The following TFAP2E variants were observed in gnomAD, a reference collection of about 807,000 sequenced individuals.
TFAP2E encodes the protein transcription factor AP-2-epsilon.
TFAP2E carries 30 observed loss-of-function variants against 37.9 expected under a neutral mutation model. That is an observed-to-expected ratio of 0.79 (90% confidence interval 0.59 to 1.07). The LOEUF is 1.07. Among genes scored for constraint, TFAP2E ranks in the 50% least tolerant of loss-of-function variants. The pLI is 0.00. For synonymous variants in TFAP2E, 318 were observed against 295.8 expected, an observed-to-expected ratio of 1.08 and a Z score of -0.77; for missense variants, 567 against 637.9, an observed-to-expected ratio of 0.89 and a Z score of 1.20.
rs115368882 is a variant in TFAP2E, at chr1:35,590,642, G to A, written c.913G>A (p.Val305Met). 4,878 of 1,506,268 alleles carry A rather than the reference G, an allele frequency of 3.2e-3. 130 individuals are homozygous for A. The African/African-American group carries it at 0.059, about 18-fold the overall frequency. 93.3% of individuals were successfully genotyped at this position (1,506,268 alleles called of 1,614,324 possible). Residue 305 changes from valine to methionine, a missense_variant, in exon 6 of 7, where the codon GTG becomes ATG. By Grantham distance (21) the Val-to-Met change is conservative (BLOSUM62 1). Around this residue, in one of 3 missense-constraint regions of TFAP2E, gnomAD observed 252 missense variants for 302.6 expected, o/e 0.83. Transcript: ENST00000373235. The surrounding 1 kb of genome is among the most constrained non-coding windows in gnomAD (Gnocchi z 6.2). ...AGCTCCCCTCCCCCCAGGAGAGGCC[G>A]TGCACCTGGCCCGAGACTTCGGTTA... is the stretch of plus-strand genomic sequence containing the variant. ...LLTSLVEGEA[V>M]HLARDFGYVC...
At chr1:35,589,188 CTGTGTGTG>C (rs757213879) in intron 4 of TFAP2E, among the ~76,000 whole-genome samples, 14,654 of 125,922 alleles carry the variant, frequency 0.12, 1,169 homozygotes, top group East Asian at 0.35. Flanking sequence ...GTGTCCTGCT[CTGTGTGTG>C]TGTGTGTGTG....
rs1053079989 is a variant in TFAP2E at position 35,588,725 on chromosome 1, C to T, written c.785+173C>T. ...ATGTTGTGGGGGCCGGCCCAGGTCCCTGGTGGCTGCCACATGTCTGTGGGT... is the reference window on the plus strand; with the variant it reads ...ATGTTGTGGGGGCCGGCCCAGGTCCTTGGTGGCTGCCACATGTCTGTGGGT... On this transcript the variant is annotated intron_variant, in intron 4 of 6. Coordinates refer to ENST00000373235, the MANE Select transcript of TFAP2E (RefSeq NM_178548.4). The surrounding 1 kb of genome is among the most constrained non-coding windows in gnomAD (Gnocchi z 5.1). Among the ~76,000 whole-genome samples the T allele has an allele frequency of 1.3e-5, 2 of 152,168 alleles. No individual in the cohort carries two copies. Among genetic ancestry groups the T allele is most frequent in the African/African-American group, 4.8e-5 (2 of 41,442 alleles).
chr1:35,589,413 G>T (rs1649586774), intron 4 of TFAP2E, among the ~76,000 whole-genome samples: 1 of 150,648 alleles, frequency 6.6e-6, no homozygotes, highest in Admixed American at 6.6e-5. Flanking sequence ...GTGTGATCCT[G>T]TGTCTCTGTG....
At chr1:35,595,374 A>C (rs1480368907), downstream of TFAP2E, 1 of 147,102 alleles carries the variant, frequency 6.8e-6, no homozygotes, top group Admixed American at 6.9e-5. Flanking sequence ...GATTCATTTC[A>C]CTGTTTTCTG....
In TFAP2E at chr1:35,573,851, G is replaced by T. The variant is rs1649082890; in HGVS notation, c.28-76G>T. ...AGGGACTGCAGCTGAACCCTCCCGAGCTGAGGAGGATCCTTTCAGGCTGGG... is the reference window on the plus strand; with the variant it reads ...AGGGACTGCAGCTGAACCCTCCCGATCTGAGGAGGATCCTTTCAGGCTGGG... On this transcript the variant is annotated intron_variant, in intron 1 of 6. Coordinates refer to ENST00000373235, the MANE Select transcript of TFAP2E (RefSeq NM_178548.4). The surrounding 1 kb of genome is among the most constrained non-coding windows in gnomAD (Gnocchi z 5.9). 1.4e-6 allele frequency: 2 copies of T among 1,397,462 alleles called. No individual in the cohort carries two copies. Among genetic ancestry groups the T allele is most frequent in the East Asian group, 5.8e-5 (2 of 34,228 alleles). 86.6% of individuals were successfully genotyped at this position (1,397,462 alleles called of 1,614,324 possible).
At position 35,573,787 on chromosome 1, in the gene TFAP2E, G is replaced by A. The variant is rs1044370704; in HGVS notation, c.28-140G>A. 38 of 1,372,030 alleles carry A rather than the reference G, an allele frequency of 2.8e-5. No individual in the cohort carries two copies. Among genetic ancestry groups the A allele is most frequent in the Admixed American group, 6.4e-5 (2 of 31,136 alleles). The allele number at this position is 1,372,030 out of a possible 1,614,324, so 85.0% of individuals were successfully genotyped here. On this transcript the variant is annotated intron_variant, in intron 1 of 6. Transcript: ENST00000373235. This position sits in a 1 kb window ranked among gnomAD's most constrained non-coding sequence, Gnocchi z 5.9. Reference sequence around the variant, plus strand: ...CCCAGCCTGAGGCTCCTGCGCCCGCGGGTGGCTCGGAAATAAACCTCGGGC... The same window carrying A: ...CCCAGCCTGAGGCTCCTGCGCCCGCAGGTGGCTCGGAAATAAACCTCGGGC...
At chr1:35,593,173 C>T (rs1649737657) in intron 6 of TFAP2E, among the ~76,000 whole-genome samples, 1 of 152,008 alleles carries the variant, frequency 6.6e-6, no homozygotes, top group African/African-American at 2.4e-5. Context: ...GGCGAAACCC[C>T]ATCTGTACTA....
chr1:35,574,128 C>T lies in TFAP2E; in HGVS notation c.229C>T (p.Pro77Ser), dbSNP rs1177788281. Residue 77 changes from proline (P) to serine (S), a missense_variant, in exon 2 of 7, where the codon CCC (proline) becomes TCC (serine). Physicochemically the swap from Pro to Ser is moderately conservative, Grantham distance 74. This residue lies in a region of TFAP2E where 312 missense variants were observed against 317.4 expected (regional missense o/e 0.98). Coordinates refer to ENST00000373235, the MANE Select transcript of TFAP2E (RefSeq NM_178548.4). ...GQAPDAAAAF[P>S]HLAGDPYGGL... ...GGCGCCCGACGCCGCCGCAGCCTTT[C>T]CCCACCTGGCAGGGGACCCATATGG... The T allele has an allele frequency of 6.9e-7, 1 of 1,454,012 alleles. No homozygotes were observed. Among genetic ancestry groups the T allele is most frequent in the Non-Finnish European group, 9.1e-7 (1 of 1,104,748 alleles). 90.1% of individuals were successfully genotyped at this position (1,454,012 alleles called of 1,614,324 possible).
In TFAP2E at chr1:35,590,083, T is replaced by A; in HGVS notation, c.904+35T>A. 1 of 1,599,924 alleles carries A rather than the reference T, an allele frequency of 6.3e-7. No individual in the cohort carries two copies. Among genetic ancestry groups the A allele is most frequent in the South Asian group, 1.1e-5 (1 of 90,516 alleles). On this transcript the variant is annotated intron_variant, in intron 5 of 6. Transcript: ENST00000373235. This position sits in a 1 kb window ranked among gnomAD's most constrained non-coding sequence, Gnocchi z 6.2. ...GCCTGAAGGTGGGCATGGGAGTGGA[T>A]GTGAGGGCAAGTGAGTTGTCTGGTG...
chr1:35,586,976 T>A (rs566655031), intron 3 of TFAP2E, among the ~76,000 whole-genome samples: 6 of 152,222 alleles, frequency 3.9e-5, no homozygotes, highest in Non-Finnish European at 5.9e-5. Flanking sequence ...AGCTGTGTGA[T>A]CTCAGGCATA....
Position 35,588,460 on chromosome 1 carries a change from G to A in TFAP2E, c.693G>A (p.Thr231=), listed in dbSNP as rs150108530. ...VPGRLSLLSS[T]SKYKVTVGEV... is the part of the protein sequence containing the mutation. ...GCCGGCTTTCACTGCTCAGCTCAAC[G>A]TCCAAGTACAAGGTGACGGTGGGGG... The change falls in exon 4 of 7, where the codon ACG becomes ACA. Residue 231 remains threonine (T), a synonymous_variant. Coordinates refer to ENST00000373235, the MANE Select transcript of TFAP2E (RefSeq NM_178548.4). The surrounding 1 kb of genome is among the most constrained non-coding windows in gnomAD (Gnocchi z 5.1). 98 of 1,610,704 alleles carry A rather than the reference G, an allele frequency of 6.1e-5. No individual in the cohort carries two copies. Among genetic ancestry groups the A allele is most frequent in the Admixed American group, 8.3e-5 (5 of 60,016 alleles).
In TFAP2E at chr1:35,588,261, T is replaced by TACCAG. The variant is rs1649546540; in HGVS notation, c.563-65_563-61dup. ...AGTTTCTCCCTTCATAAAGCAAGGA[T>TACCAG]ACCAGACCCTCCCTTGAGTGGGGCT... On this transcript the variant is annotated intron_variant, in intron 3 of 6. Transcript: ENST00000373235. The surrounding 1 kb of genome is among the most constrained non-coding windows in gnomAD (Gnocchi z 5.1). The TACCAG allele has an allele frequency of 6.8e-7, 1 of 1,477,222 alleles. No individual in the cohort carries two copies. Among genetic ancestry groups the TACCAG allele is most frequent in the Non-Finnish European group, 9.2e-7 (1 of 1,090,310 alleles). The allele number at this position is 1,477,222 out of a possible 1,614,324, so 91.5% of individuals were successfully genotyped here.
At chr1:35,578,031 G>A (rs1649233361) in intron 3 of TFAP2E, among the ~76,000 whole-genome samples, 1 of 152,172 alleles carries the variant, frequency 6.6e-6, no homozygotes. Flanking sequence ...TGTATGGGAC[G>A]CGGGAGGAGC....
chr1:35,578,052 C>T (rs895952886), intron 3 of TFAP2E, among the ~76,000 whole-genome samples: 2 of 152,030 alleles, frequency 1.3e-5, no homozygotes, highest in Non-Finnish European at 2.9e-5. Flanking sequence ...TCAGAGGAGG[C>T]GCGGAGAGTG....
chr1:35,591,521 C>A (rs1253576666), intron 6 of TFAP2E, among the ~76,000 whole-genome samples: 1 of 152,210 alleles, frequency 6.6e-6, no homozygotes, highest in African/African-American at 2.4e-5. Context: ...CTTCATCTCA[C>A]TCCTGGACCT....
rs185284249 is a variant in TFAP2E, at chr1:35,576,394, G to T, written c.562+1394G>T. Among the ~76,000 whole-genome samples, 223 of 152,288 alleles carry T rather than the reference G, an allele frequency of 1.5e-3. 1 individual carries two copies. In the Middle Eastern group the frequency reaches 0.024, roughly 16 times the overall value. Reference sequence around the variant, plus strand: ...ACCTGGTTGCAGCGCAGCTCTGCTGGTGGGGCTTGGTTGGCTTACTGTACA... The same window carrying T: ...ACCTGGTTGCAGCGCAGCTCTGCTGTTGGGGCTTGGTTGGCTTACTGTACA... On this transcript the variant is annotated intron_variant, in intron 3 of 6. Coordinates refer to ENST00000373235, the MANE Select transcript of TFAP2E (RefSeq NM_178548.4).
rs1292802109 is a variant in TFAP2E, at chr1:35,594,856, G to A, written c.*180G>A. 2.3e-6 allele frequency: 2 copies of A among 859,864 alleles called. No homozygotes were observed. The highest frequency in any genetic ancestry group is 3.5e-6 in the Non-Finnish European group (2 of 569,126). The allele number at this position is 859,864 out of a possible 1,614,324, so 53.3% of individuals were successfully genotyped here. On this transcript the variant is annotated 3_prime_UTR_variant, in exon 7 of 7. Coordinates refer to ENST00000373235, the MANE Select transcript of TFAP2E (RefSeq NM_178548.4). Reference sequence around the variant, plus strand: ...AGTAAGGGAGGGTGGCCTCTCTGTGGTGGTGTGTTGGTAAGTTAAGGGCCC... The same window carrying A: ...AGTAAGGGAGGGTGGCCTCTCTGTGATGGTGTGTTGGTAAGTTAAGGGCCC...
Position 35,574,196 on chromosome 1 carries a change from C to T in TFAP2E, c.297C>T (p.Ala99=), listed in dbSNP as rs1649097416. Residue 99 remains alanine, a synonymous_variant, in exon 2 of 7, where the codon GCC becomes GCT. Coordinates refer to ENST00000373235, the MANE Select transcript of TFAP2E (RefSeq NM_178548.4). Reference sequence around the variant, plus strand: ...CGCAGCCGCAGCCTCCTCAGGCCGCCTGGGCCGCGCCCCGCGCAGCCGCCC... The same window carrying T: ...CGCAGCCGCAGCCTCCTCAGGCCGCTTGGGCCGCGCCCCGCGCAGCCGCCC... ...PLAQPQPPQA[A]WAAPRAAARA... is the part of the protein sequence containing the mutation. 6.1e-6 allele frequency: 8 copies of T among 1,316,624 alleles called. No homozygotes were observed. The highest frequency in any genetic ancestry group is 7.7e-6 in the Non-Finnish European group (8 of 1,034,468). 81.6% of individuals were successfully genotyped at this position (1,316,624 alleles called of 1,614,324 possible). A position where few individuals can be genotyped will look rare whatever the true frequency, so the allele number is the denominator to read the frequency against.
intron 3 of TFAP2E, among the ~76,000 whole-genome samples, chr1:35,576,686 C>G (rs564681797): frequency 6.6e-6 from 1 of 152,166 alleles, no homozygotes; most frequent in South Asian, 2.1e-4. Context: ...AACCCCGGTC[C>G]GAAGCCGAGA....
Sources: gnomAD v4.1 joint callset for allele counts (sites outside exome capture counted in the v4.1 genomes callset) on GRCh38, gnomAD v4.1.1 for gene constraint, gnomAD v4.1.1 regional missense constraint, Gnocchi (gnomAD v3.1) non-coding constraint, MANE v1.5 for transcripts, NCBI Gene and HGNC (gene_info 2026-07-23, HGNC 2026-07-21) for gene names.